TSBP1: variants seen among roughly 807,000 people sequenced by gnomAD.
TSBP1 encodes testis-expressed basic protein 1.
Under a neutral mutation model 68.8 loss-of-function variants are expected in TSBP1, and 56 were observed. That is an observed-to-expected ratio of 0.81 (90% CI 0.66 to 1.02). TSBP1 has a LOEUF of 1.02. Among genes scored for constraint, TSBP1 ranks in the 50% least tolerant of loss-of-function variants. The probability of loss-of-function intolerance (pLI) is 0.00; values close to 1 mark genes in which losing one functional copy is unlikely to be tolerated. For missense variants in TSBP1, 502 were observed against 641.2 expected, an observed-to-expected ratio of 0.78 and a Z score of 2.34; for synonymous variants, 171 against 208.7, an observed-to-expected ratio of 0.82 and a Z score of 1.56.
chr6:32,308,616 A>T (rs1180296175), intron 19 of TSBP1, among the ~76,000 whole-genome samples: 8 of 92,600 alleles, frequency 8.6e-5, no homozygotes, highest in South Asian at 6.9e-4. Flanking sequence ...AAAAAAAAAA[A>T]TTTTGCTTTT....
intron 20 of TSBP1, among the ~76,000 whole-genome samples, chr6:32,301,995 A>G (rs1438465189): frequency 6.7e-6 from 1 of 149,616 alleles, no homozygotes; most frequent in African/African-American, 2.4e-5. Context: ...TAATAATAAT[A>G]TTTTGTGGCA....
chr6:32,327,654 CTT>C (rs9281739), intron 16 of TSBP1, among the ~76,000 whole-genome samples: 1 of 146,986 alleles, frequency 6.8e-6, no homozygotes, highest in Non-Finnish European at 1.5e-5. Flanking sequence ...TTTTCTTTTT[CTT>C]TTTTTTTTTC....
At chr6:32,308,682 T>G (rs1766041999) in intron 19 of TSBP1, among the ~76,000 whole-genome samples, 2 of 151,898 alleles carry the variant, frequency 1.3e-5, no homozygotes, top group Admixed American at 1.3e-4. Context: ...TATAGTTTTC[T>G]TTCTTCTTTT....
chr6:32,323,580 A>C lies in TSBP1; in HGVS notation c.538+11T>G. ...ACAACAGAAAAGAGTAGAAAAAGAA[A>C]TTGAACTTACCGCGGGGTGCTGAAG... On this transcript the variant is annotated intron_variant, in intron 17 of 22. Coordinates refer to ENST00000612031, the Ensembl canonical transcript of TSBP1. The C allele has an allele frequency of 6.2e-7, 1 of 1,611,632 alleles. No homozygotes were observed. The highest frequency in any genetic ancestry group is 8.5e-7 in the Non-Finnish European group (1 of 1,178,996).
rs2127658389 is a variant in TSBP1, at chr6:32,365,093, T to C, written c.217+1074A>G. ...TTTTTTTAGAGACGGAGTCTCACTA[T>C]GTTGCCCAGGCCAGTCTCGAACTCC... is the stretch of plus-strand genomic sequence containing the variant. On this transcript the variant is annotated intron_variant, in intron 6 of 22. Coordinates refer to ENST00000612031, the Ensembl canonical transcript of TSBP1. The surrounding 1 kb of genome is among the most constrained non-coding windows in gnomAD (Gnocchi z 4.3). 6.6e-6 allele frequency among the ~76,000 whole-genome samples: 1 copy of C among 151,486 alleles called. No homozygotes were observed. The highest frequency in any genetic ancestry group is 6.6e-5 in the Admixed American group (1 of 15,220).
At chr6:32,332,200 C>T in intron 14 of TSBP1, 146 bp from the exon 16 acceptor site, 1 of 629,852 alleles carries the variant, frequency 1.6e-6, no homozygotes, top group Non-Finnish European at 2.8e-6. Flanking sequence ...AGACTTAATC[C>T]AACTATATTA....
rs533255187 is a variant in TSBP1, at chr6:32,365,799, G to A, written c.217+368C>T. ...TTCTAGGATTTTATAACCTGACAGC[G>A]TGCTGGAACTTCTCTGCTGGACTCC... is the stretch of plus-strand genomic sequence containing the variant. On this transcript the variant is annotated intron_variant, in intron 6 of 22. Transcript: ENST00000612031. The surrounding 1 kb of genome is among the most constrained non-coding windows in gnomAD (Gnocchi z 4.3). 42 of 407,606 alleles carry A rather than the reference G, an allele frequency of 1.0e-4. No individual in the cohort carries two copies. The highest frequency in any genetic ancestry group is 3.0e-4 in the South Asian group (16 of 53,712). The allele number at this position is 407,606 out of a possible 1,614,324, so 25.2% of individuals were successfully genotyped here.
intron 20 of TSBP1, among the ~76,000 whole-genome samples, chr6:32,301,018 A>ATTGT (rs9281724): frequency 0.25 from 37,820 of 151,788 alleles, 5,040 homozygotes; most frequent in African/African-American, 0.33. Flanking sequence ...ATTTTTTGAC[A>ATTGT]TTGATACGAA....
rs11324222 is a variant in TSBP1 at position 32,337,937 on chromosome 6, CT to C, written c.409+1041del. 0.15 allele frequency among the ~76,000 whole-genome samples: 23,344 copies of C among 152,136 alleles called. 2,190 individuals carry two copies. The highest frequency in any genetic ancestry group is 0.29 in the East Asian group (1,496 of 5,166). The stretch of plus-strand genomic sequence containing the variant: ...ACCATGAGCTTTAATTATCAAATCA[CT>C]TTTTTTCTCCTTCCTTCAGAGTTAG... On this transcript the variant is annotated intron_variant, in intron 11 of 22. Transcript: ENST00000612031. The surrounding 1 kb of genome is among the most constrained non-coding windows in gnomAD (Gnocchi z 5.5).
intron 15 of TSBP1, among the ~76,000 whole-genome samples, chr6:32,331,019 T>C (rs1283542859): frequency 6.6e-6 from 1 of 152,178 alleles, no homozygotes; most frequent in African/African-American, 2.4e-5. Context: ...AATGATTTTC[T>C]CAGGAATTAC....
chr6:32,324,733 C>A (rs575521910), intron 16 of TSBP1: 1 of 1,548,442 alleles, frequency 6.5e-7, no homozygotes, highest in Non-Finnish European at 8.7e-7. Flanking sequence ...TCTTTTCCTA[C>A]TCATTTTTTT....
chr6:32,351,863 C>CA (rs561138267), intron 8 of TSBP1, among the ~76,000 whole-genome samples: 47 of 151,902 alleles, frequency 3.1e-4, no homozygotes, highest in African/African-American at 1.0e-3. Flanking sequence ...ATGCAGAGCA[C>CA]AAAAATAAAG....
rs958067162 is a variant in TSBP1 at position 32,306,806 on chromosome 6, C to T, written c.581-4177G>A. 2.6e-5 allele frequency among the ~76,000 whole-genome samples: 4 copies of T among 152,048 alleles called. No individual in the cohort carries two copies. The highest frequency in any genetic ancestry group is 9.7e-5 in the African/African-American group (4 of 41,386). ...ACCTCCTGCCATCCTCAGTTTATCTCATGATACAAGGTTTTTCTGACTGTC... is the reference window on the plus strand; with the variant it reads ...ACCTCCTGCCATCCTCAGTTTATCTTATGATACAAGGTTTTTCTGACTGTC... On this transcript the variant is annotated intron_variant, in intron 19 of 22. Transcript: ENST00000612031. The surrounding 1 kb of genome is among the most constrained non-coding windows in gnomAD (Gnocchi z 5.1).
intron 22 of TSBP1, among the ~76,000 whole-genome samples, chr6:32,297,752 C>T (rs1764857706): frequency 6.6e-6 from 1 of 152,056 alleles, no homozygotes; most frequent in African/African-American, 2.4e-5. Context: ...AAACCTTAAC[C>T]TCCTTTTTCT....
chr6:32,299,435 A>G (rs969303903), intron 22 of TSBP1, among the ~76,000 whole-genome samples: 6 of 152,216 alleles, frequency 3.9e-5, no homozygotes, highest in South Asian at 2.1e-4. Context: ...GACTTCACCT[A>G]TAACTAAAAA....
chr6:32,327,970 T>A (rs11752503), intron 16 of TSBP1, among the ~76,000 whole-genome samples: 50,841 of 149,852 alleles, frequency 0.34, 9,687 homozygotes, highest in Middle Eastern at 0.52. Flanking sequence ...TATTATTTTT[T>A]TTTTTTTGTA....
chr6:32,294,376 A>G (rs913861066), intron 22 of TSBP1, among the ~76,000 whole-genome samples: 1 of 152,214 alleles, frequency 6.6e-6, no homozygotes, highest in Admixed American at 6.5e-5. Context: ...TTAAGGAAAA[A>G]TTGTGGGAGG....
chr6:32,293,056 A>G (rs1419922468), exon 23 of TSBP1: 1 of 1,612,382 alleles, frequency 6.2e-7, no homozygotes, highest in East Asian at 2.2e-5. Context: ...ATTTTTCACC[A>G]TTGATTTCTG....
intron 17 of TSBP1, 50 bp from the exon 19 acceptor site, chr6:32,323,187 T>G: frequency 1.6e-6 from 2 of 1,279,264 alleles, no homozygotes; most frequent in Non-Finnish European, 2.3e-6. Flanking sequence ...AGAAACAAGG[T>G]TCCCTCTAGG....
Sources: gnomAD v4.1 joint callset for allele counts (sites outside exome capture counted in the v4.1 genomes callset) on GRCh38, gnomAD v4.1.1 for gene constraint, Gnocchi (gnomAD v3.1) non-coding constraint, MANE v1.5 for transcripts, NCBI Gene and HGNC (gene_info 2026-07-23, HGNC 2026-07-21) for gene names.